Variants in KBTBD3 observed in about 807,000 individuals in gnomAD.
KBTBD3 encodes the protein kelch repeat and BTB domain-containing protein 3.
KBTBD3 carries 38 observed loss-of-function variants against 49.6 expected under a neutral mutation model. The observed-to-expected ratio is 0.77, with a 90% CI of 0.59 to 1.00. The LOEUF (loss-of-function observed/expected upper bound fraction) is 1.00. Ranked by LOEUF, KBTBD3 falls within the 50% of genes least tolerant of loss-of-function variation. The pLI is 0.00. For synonymous variants in KBTBD3, 214 were observed against 250.4 expected (o/e 0.85, Z 1.37); for missense variants, 661 against 712.0 (o/e 0.93, Z 0.81).
intron 3 of KBTBD3, among the ~76,000 whole-genome samples, chr11:106,055,086 GAA>G (rs975485442): frequency 1.3e-5 from 2 of 152,066 alleles, no homozygotes; most frequent in African/African-American, 4.8e-5. Flanking sequence ...GTGAAAAAAA[GAA>G]AAGTTTGGTA....
intron 2 of KBTBD3, among the ~76,000 whole-genome samples, chr11:106,066,733 T>TA (rs34578169): frequency 7.1e-5 from 10 of 140,862 alleles, no homozygotes; most frequent in Admixed American, 1.4e-4. Context: ...TAATCCCTAT[T>TA]AAAAAAAAAA....
intron 2 of KBTBD3, among the ~76,000 whole-genome samples, chr11:106,070,685 C>T (rs1860900943): frequency 6.6e-6 from 1 of 152,060 alleles, no homozygotes; most frequent in Non-Finnish European, 1.5e-5. Flanking sequence ...TAAACATACA[C>T]ATACCATATT....
intron 2 of KBTBD3, among the ~76,000 whole-genome samples, chr11:106,069,225 C>T (rs937703141): frequency 6.6e-6 from 1 of 152,026 alleles, no homozygotes; most frequent in Non-Finnish European, 1.5e-5. Flanking sequence ...TTTCCAAGTG[C>T]ATGTAAGCTC....
intron 2 of KBTBD3, among the ~76,000 whole-genome samples, chr11:106,067,098 A>T (rs1860823463): frequency 6.6e-6 from 1 of 152,176 alleles, no homozygotes; most frequent in Non-Finnish European, 1.5e-5. Context: ...ACAGAACCAG[A>T]AAAGGAGCAA....
chr11:106,066,428 T>C (rs1860811921), intron 2 of KBTBD3, among the ~76,000 whole-genome samples: 1 of 152,202 alleles, frequency 6.6e-6, no homozygotes, highest in Non-Finnish European at 1.5e-5. Flanking sequence ...GGCTCAGAGA[T>C]TAAATAACAT....
rs1263795486 is a variant in KBTBD3 at position 106,053,107 on chromosome 11, T to C, written c.1582A>G (p.Thr528Ala). The stretch of plus-strand genomic sequence containing the variant: ...GATCCTTCGCCTTTCCAAACACAAG[T>C]GTCTGGACAAAAACTATAAACCTTA... ...TYKVYSFCPDTCVWKGEGSFE... is the reference protein window; with the variant it reads ...TYKVYSFCPDACVWKGEGSFE... Residue 528 changes from threonine to alanine, a missense_variant, in exon 4 of 4, where the codon ACT (threonine) becomes GCT (alanine). Physicochemically the swap from Thr to Ala is moderately conservative, Grantham distance 58. Transcript: ENST00000531837. 1 of 1,613,758 alleles carries C rather than the reference T, an allele frequency of 6.2e-7. No homozygotes were observed. Among genetic ancestry groups the C allele is most frequent in the Non-Finnish European group, 8.5e-7 (1 of 1,179,820 alleles).
intron 2 of KBTBD3, among the ~76,000 whole-genome samples, chr11:106,067,609 CAA>C (rs35535283): frequency 7.1e-6 from 1 of 141,066 alleles, no homozygotes. Flanking sequence ...AAAACTCCGT[CAA>C]AAAAAAAAAA....
rs534522784 is a variant in KBTBD3, at chr11:106,064,957, A to G, written c.-12-5848T>C. On this transcript the variant is annotated intron_variant, in intron 2 of 3. Coordinates refer to ENST00000531837, the MANE Select transcript of KBTBD3 (RefSeq NM_198439.3). ...GACACTGAGGATCAAAAGATAGGTT[A>G]TCTCCTACAACCTTATATTCCACTG... 3.9e-5 allele frequency among the ~76,000 whole-genome samples: 6 copies of G among 152,334 alleles called. No individual in the cohort carries two copies. The South Asian group carries it at 1.2e-3, about 32-fold the overall frequency.
At chr11:106,067,616 A>AC (rs1417342239) in intron 2 of KBTBD3, among the ~76,000 whole-genome samples, 1 of 151,990 alleles carries the variant, frequency 6.6e-6, no homozygotes, top group Admixed American at 6.6e-5. Context: ...CGTCAAAAAA[A>AC]AAAAAGGTCT....
chr11:106,064,317 G>A (rs969731096), intron 2 of KBTBD3, among the ~76,000 whole-genome samples: 12 of 152,028 alleles, frequency 7.9e-5, no homozygotes, highest in South Asian at 2.1e-4. Flanking sequence ...AGGCCGAGGC[G>A]GGTGGATCAC....
intron 3 of KBTBD3, 123 bp downstream of exon 3, chr11:106,058,742 G>GTTTT: frequency 1.8e-6 from 1 of 544,484 alleles, no homozygotes; most frequent in Non-Finnish European, 3.1e-6. Context: ...TTTTGTTTTT[G>GTTTT]TTTTTTTTTT....
intron 3 of KBTBD3, 66 bp downstream of exon 3, chr11:106,058,799 G>C: frequency 1.2e-6 from 1 of 869,444 alleles, no homozygotes; most frequent in Non-Finnish European, 1.8e-6. Flanking sequence ...AAAAACTTGA[G>C]TGCAGTATAA....
intron 2 of KBTBD3, among the ~76,000 whole-genome samples, chr11:106,071,422 G>GA (rs1159583843): frequency 1.3e-5 from 2 of 151,986 alleles, no homozygotes; most frequent in Non-Finnish European, 2.9e-5. Flanking sequence ...GTCAATTATT[G>GA]AGCCTCATGG....
intron 3 of KBTBD3, 108 bp downstream of exon 3, chr11:106,058,757 A>C: frequency 1.4e-6 from 1 of 698,120 alleles, no homozygotes; most frequent in Non-Finnish European, 2.4e-6. Context: ...TTTTTTTAGA[A>C]TTAAAAATTA....
chr11:106,069,204 A>G (rs970462747), intron 2 of KBTBD3, among the ~76,000 whole-genome samples: 4 of 152,160 alleles, frequency 2.6e-5, no homozygotes, highest in Non-Finnish European at 5.9e-5. Context: ...ATTTAGAAGT[A>G]TATTATTCAG....
chr11:106,058,804 G>A (rs980571562), intron 3 of KBTBD3, 61 bp downstream of exon 3: 5 of 941,326 alleles, frequency 5.3e-6, no homozygotes, highest in Non-Finnish European at 8.2e-6. Context: ...CTTGAGTGCA[G>A]TATAAAATAG....
intron 2 of KBTBD3, among the ~76,000 whole-genome samples, chr11:106,060,206 A>C (rs1333346125): frequency 6.6e-6 from 1 of 151,944 alleles, no homozygotes; most frequent in East Asian, 1.9e-4. Context: ...AAAAAGAAAA[A>C]ATTTGATATA....
chr11:106,052,749 C>A lies in KBTBD3; in HGVS notation c.*101G>T. Reference sequence around the variant, plus strand: ...GGTGTACATACATAATAACTAAAAGCAGGAATGTTTTATTTCATTAAGATG... The same window carrying A: ...GGTGTACATACATAATAACTAAAAGAAGGAATGTTTTATTTCATTAAGATG... On this transcript the variant is annotated 3_prime_UTR_variant, in exon 4 of 4. Coordinates refer to ENST00000531837, the MANE Select transcript of KBTBD3 (RefSeq NM_198439.3). The A allele has an allele frequency of 1.1e-6, 1 of 916,198 alleles. No homozygotes were observed. The highest frequency in any genetic ancestry group is 1.7e-6 in the Non-Finnish European group (1 of 602,580). 56.8% of individuals were successfully genotyped at this position (916,198 alleles called of 1,614,324 possible). A position where few individuals can be genotyped will look rare whatever the true frequency, so the allele number is the denominator to read the frequency against.
chr11:106,063,096 A>C (rs1182914706), intron 2 of KBTBD3, among the ~76,000 whole-genome samples: 1 of 152,264 alleles, frequency 6.6e-6, no homozygotes, highest in African/African-American at 2.4e-5. Context: ...TATTAGCCTG[A>C]GGTTACCCTC....
Sources: gnomAD v4.1 joint callset for allele counts (sites outside exome capture counted in the v4.1 genomes callset) on GRCh38, gnomAD v4.1.1 for gene constraint, MANE v1.5 for transcripts, NCBI Gene and HGNC (gene_info 2026-07-23, HGNC 2026-07-21) for gene names.